Variants in CTNNA2 observed in about 807,000 individuals in gnomAD.
CTNNA2 encodes the protein catenin alpha 2.
CTNNA2 carries 42 observed loss-of-function variants against 101.0 expected under a neutral mutation model. That is an observed-to-expected ratio of 0.42 (90% CI 0.32 to 0.54). The LOEUF (loss-of-function observed/expected upper bound fraction) is 0.54, where lower values mean the gene tolerates loss of function less well. CTNNA2 is among the 20% of genes least tolerant of loss of function. The pLI, the probability that CTNNA2 is intolerant of heterozygous loss-of-function variation, is 0.14. For missense variants in CTNNA2, 871 were observed against 1,223.1 expected, an observed-to-expected ratio of 0.71 and a Z score of 4.29; for synonymous variants, 450 against 456.4, an observed-to-expected ratio of 0.99 and a Z score of 0.18.
chr2:79,240,183 C>T (rs550615903), intron 2 of CTNNA2, among the ~76,000 whole-genome samples: 70 of 151,808 alleles, frequency 4.6e-4, no homozygotes, highest in African/African-American at 1.4e-3. Flanking sequence ...GCTGGGATTA[C>T]AGGCATGAGC....
intron 2 of CTNNA2, among the ~76,000 whole-genome samples, chr2:79,230,793 T>A (rs1674481845): frequency 1.3e-5 from 2 of 152,206 alleles, no homozygotes; most frequent in African/African-American, 4.8e-5. Context: ...TGCCCAAGAC[T>A]ATGGGAACCC....
At position 80,025,237 on chromosome 2, in the gene CTNNA2, C is replaced by A. The variant is rs574137474; in HGVS notation, c.1056+115440C>A. On this transcript the variant is annotated intron_variant, in intron 7 of 18. Transcript: ENST00000402739. ...AAATGGCAACATTTGGGTGGGAAAA[C>A]AGAAATGTGAAGTTCTCAGTTAGGG... Among the ~76,000 whole-genome samples the A allele has an allele frequency of 2.0e-5, 3 of 152,226 alleles. No homozygotes were observed. The East Asian group carries it at 5.8e-4, about 30-fold the overall frequency.
chr2:80,594,808 A>G (rs1486103252), intron 15 of CTNNA2, among the ~76,000 whole-genome samples: 1 of 150,966 alleles, frequency 6.6e-6, no homozygotes, highest in African/African-American at 2.5e-5. Context: ...CCTTTGTGGA[A>G]AATCATTTGA....
At chr2:79,923,736 C>T (rs1276949076) in intron 7 of CTNNA2, among the ~76,000 whole-genome samples, 1 of 152,134 alleles carries the variant, frequency 6.6e-6, no homozygotes, top group Non-Finnish European at 1.5e-5. Context: ...ACCATCATCT[C>T]CCCGTGTTTC....
At chr2:79,243,206 G>A (rs995224524) in intron 2 of CTNNA2, among the ~76,000 whole-genome samples, 3 of 152,090 alleles carry the variant, frequency 2.0e-5, no homozygotes, top group African/African-American at 7.2e-5. Flanking sequence ...GAAGCTGACT[G>A]TAGGTGGGCT....
chr2:80,567,857 T>C (rs1694195400), intron 12 of CTNNA2, among the ~76,000 whole-genome samples: 1 of 152,194 alleles, frequency 6.6e-6, no homozygotes, highest in African/African-American at 2.4e-5. Context: ...TTTTATGTTA[T>C]TTTTAGATTC....
intron 7 of CTNNA2, among the ~76,000 whole-genome samples, chr2:80,245,951 C>T (rs1252534725): frequency 5.3e-5 from 8 of 151,872 alleles, no homozygotes; most frequent in African/African-American, 1.2e-4. Flanking sequence ...CCCACCACCA[C>T]ACCCGGCTAA....
intron 7 of CTNNA2, among the ~76,000 whole-genome samples, chr2:80,314,371 G>A (rs1486349921): frequency 6.6e-6 from 1 of 152,186 alleles, no homozygotes; most frequent in African/African-American, 2.4e-5. Context: ...ATACCAGTTT[G>A]CAGAGCCTCT....
intron 7 of CTNNA2, among the ~76,000 whole-genome samples, chr2:79,913,979 A>G (rs909115591): frequency 6.6e-6 from 1 of 151,872 alleles, no homozygotes; most frequent in Non-Finnish European, 1.5e-5. Flanking sequence ...CATCCCGGCT[A>G]AAACGGTGAA....
intron 1 of CTNNA2, among the ~76,000 whole-genome samples, chr2:79,572,857 A>G (rs971602637): frequency 2.0e-5 from 3 of 152,216 alleles, no homozygotes; most frequent in Admixed American, 6.5e-5. Flanking sequence ...AGTGACATTT[A>G]TTCTTAATTT....
At chr2:80,594,017 G>A (rs1469167089) in intron 15 of CTNNA2, among the ~76,000 whole-genome samples, 1 of 152,044 alleles carries the variant, frequency 6.6e-6, no homozygotes, top group African/African-American at 2.4e-5. Context: ...GGATCATATA[G>A]TAATTCTTTT....
chr2:79,425,812 A>G (rs1477381571), intron 4 of CTNNA2, among the ~76,000 whole-genome samples: 1 of 152,114 alleles, frequency 6.6e-6, no homozygotes, highest in Non-Finnish European at 1.5e-5. Context: ...AAAACCTAAC[A>G]CACTAATATT....
intron 9 of CTNNA2, among the ~76,000 whole-genome samples, chr2:80,459,234 C>T (rs965946562): frequency 2.6e-5 from 4 of 152,010 alleles, no homozygotes; most frequent in African/African-American, 9.7e-5. Context: ...ACTCAGTGAT[C>T]CATGAATTTA....
At chr2:79,944,944 T>TA (rs1688397464) in intron 7 of CTNNA2, among the ~76,000 whole-genome samples, 1 of 152,266 alleles carries the variant, frequency 6.6e-6, no homozygotes, top group Non-Finnish European at 1.5e-5. Context: ...TGCAGGAATA[T>TA]ACATTGCCAT....
chr2:79,288,103 A>G (rs34880041), intron 2 of CTNNA2, among the ~76,000 whole-genome samples: 127,308 of 152,084 alleles, frequency 0.84, 53,460 homozygotes, highest in African/African-American at 0.87. Context: ...GCCCTGCTTC[A>G]CCTCGCGCAT....
intron 2 of CTNNA2, among the ~76,000 whole-genome samples, chr2:79,198,896 A>G (rs1673996831): frequency 6.6e-6 from 1 of 152,062 alleles, no homozygotes. Flanking sequence ...TATTTAACTT[A>G]TTCATGAGGA....
At chr2:80,144,966 C>A (rs1318868602) in intron 7 of CTNNA2, among the ~76,000 whole-genome samples, 2 of 152,124 alleles carry the variant, frequency 1.3e-5, no homozygotes, top group East Asian at 1.9e-4. Flanking sequence ...CCTCTCCCCC[C>A]AGCTGTCACA....
intron 7 of CTNNA2, among the ~76,000 whole-genome samples, chr2:80,074,514 TG>T (rs776521701): frequency 1.1e-4 from 17 of 152,146 alleles, no homozygotes; most frequent in Non-Finnish European, 2.2e-4. Flanking sequence ...CTTCATTGTG[TG>T]TCTGTATGCG....
At chr2:79,255,667 G>C (rs1305401565) in intron 2 of CTNNA2, among the ~76,000 whole-genome samples, 1 of 152,164 alleles carries the variant, frequency 6.6e-6, no homozygotes, top group Non-Finnish European at 1.5e-5. Context: ...GGGAGTTCCA[G>C]AAGGAAGCTG....
Sources: gnomAD v4.1 joint callset for allele counts (sites outside exome capture counted in the v4.1 genomes callset) on GRCh38, gnomAD v4.1.1 for gene constraint, MANE v1.5 for transcripts, NCBI Gene and HGNC (gene_info 2026-07-23, HGNC 2026-07-21) for gene names.